Variants in SLC1A4 observed in about 807,000 individuals in gnomAD.
SLC1A4 encodes the protein neutral amino acid transporter A.
SLC1A4 carries 19 observed loss-of-function variants against 37.7 expected under a neutral mutation model. That is an observed-to-expected ratio of 0.50 (90% CI 0.35 to 0.74). The LOEUF is 0.74. Among genes scored for constraint, SLC1A4 ranks in the 30% least tolerant of loss-of-function variants. The pLI is 0.01. For missense variants in SLC1A4, 570 were observed against 712.9 expected (o/e 0.80, Z 2.28); for synonymous variants, 299 against 309.8 (o/e 0.97, Z 0.37).
At chr2:64,998,751 A>G (rs1673360745) in intron 1 of SLC1A4, among the ~76,000 whole-genome samples, 1 of 152,240 alleles carries the variant, frequency 6.6e-6, no homozygotes, top group Admixed American at 6.5e-5. Context: ...TTAAACAAAT[A>G]GTGTTGTGCT....
At position 65,001,189 on chromosome 2, in the gene SLC1A4, T is replaced by C. The variant is rs139497354; in HGVS notation, c.528-259T>C. The stretch of plus-strand genomic sequence containing the variant: ...TAGGGGTGGAGAGAGAACACTGTGT[T>C]AGGGTTTTAGAAGTGGACATCTCAA... On this transcript the variant is annotated intron_variant, in intron 1 of 7. Coordinates refer to ENST00000234256, the MANE Select transcript of SLC1A4 (RefSeq NM_003038.5). 102 of 425,210 alleles carry C rather than the reference T, an allele frequency of 2.4e-4. No individual in the cohort carries two copies. The East Asian group carries it at 4.2e-3, about 18-fold the overall frequency. The allele number at this position is 425,210 out of a possible 1,614,324, so 26.3% of individuals were successfully genotyped here. A position where few individuals can be genotyped will look rare whatever the true frequency, so the allele number is the denominator to read the frequency against.
upstream of SLC1A4, chr2:64,988,521 G>C (rs1672892624): frequency 6.6e-6 from 1 of 152,406 alleles, no homozygotes; most frequent in Non-Finnish European, 1.5e-5. Flanking sequence ...GCCCCATCCT[G>C]ATGGCCCCAG....
At chr2:64,994,762 C>G (rs1430520517) in intron 1 of SLC1A4, 1 of 151,176 alleles carries the variant, frequency 6.6e-6, no homozygotes, top group Non-Finnish European at 1.5e-5. Flanking sequence ...GCCTTGGCAG[C>G]ACATATACTA....
chr2:65,001,388 A>C, intron 1 of SLC1A4, 60 bp from the exon 2 acceptor site: 25 of 1,462,534 alleles, frequency 1.7e-5, no homozygotes, highest in Non-Finnish European at 2.1e-5. Context: ...GGCAACAGGG[A>C]CCTCATCTCT....
Position 65,023,134 on chromosome 2 carries a change from G to C in SLC1A4, c.*1988G>C, listed in dbSNP as rs1230707729. The C allele has an allele frequency of 6.6e-6, 1 of 152,204 alleles. No homozygotes were observed. The highest frequency in any genetic ancestry group is 1.5e-5 in the Non-Finnish European group (1 of 68,030). The allele number at this position is 152,204 out of a possible 1,614,324, so 9.4% of individuals were successfully genotyped here. A position where few individuals can be genotyped will look rare whatever the true frequency, so the allele number is the denominator to read the frequency against. On this transcript the variant is annotated 3_prime_UTR_variant, in exon 8 of 8. Coordinates refer to ENST00000234256, the MANE Select transcript of SLC1A4 (RefSeq NM_003038.5). The stretch of plus-strand genomic sequence containing the variant: ...GACCAGGAACCGTGCAAAGGAAACT[G>C]GAAACTTTTCCCCGCTGGGTAGAGC...
rs540795704 is a variant in SLC1A4 at position 65,015,033 on chromosome 2, T to C, written c.801-1407T>C. 4.6e-5 allele frequency among the ~76,000 whole-genome samples: 7 copies of C among 152,304 alleles called. No homozygotes were observed. In the South Asian group the frequency reaches 1.2e-3, roughly 27 times the overall value. On this transcript the variant is annotated intron_variant, in intron 4 of 7. Transcript: ENST00000234256. ...AGTACAATTCTAGCTCATGCTCCAA[T>C]GTGGATGAAGCCCGAAGACATCATA...
At chr2:65,000,564 A>G (rs1673418986) in intron 1 of SLC1A4, 1 of 152,228 alleles carries the variant, frequency 6.6e-6, no homozygotes, top group Admixed American at 6.5e-5. Context: ...AGGGACTCAG[A>G]TTCTACAATT....
intron 1 of SLC1A4, among the ~76,000 whole-genome samples, chr2:64,997,953 G>A (rs1377232812): frequency 3.7e-5 from 4 of 108,112 alleles, no homozygotes; most frequent in African/African-American, 1.8e-4. Flanking sequence ...AATACAAATT[G>A]GCAGGCGCAG....
Position 64,989,582 on chromosome 2 carries a change from C to A in SLC1A4, c.-62C>A. The A allele has an allele frequency of 1.5e-6, 2 of 1,369,924 alleles. No individual in the cohort carries two copies. Among genetic ancestry groups the A allele is most frequent in the Non-Finnish European group, 1.9e-6 (2 of 1,055,272 alleles). The allele number at this position is 1,369,924 out of a possible 1,614,324, so 84.9% of individuals were successfully genotyped here. A position where few individuals can be genotyped will look rare whatever the true frequency, so the allele number is the denominator to read the frequency against. ...GGCCGACCGACCCATTCATTGGGAACCCCGTCTTTTGCCAGAGCCCACGTC... is the reference window on the plus strand; with the variant it reads ...GGCCGACCGACCCATTCATTGGGAAACCCGTCTTTTGCCAGAGCCCACGTC... On this transcript the variant is annotated 5_prime_UTR_variant, in exon 1 of 8. Transcript: ENST00000234256.
At chr2:65,020,777 T>A in intron 7 of SLC1A4, 135 bp from the exon 8 acceptor site, 2 of 682,458 alleles carry the variant, frequency 2.9e-6, no homozygotes, top group Non-Finnish European at 5.2e-6. Context: ...GTAAAGCCAA[T>A]GCCTTAGAAG....
chr2:65,010,844 C>G, intron 4 of SLC1A4, 81 bp downstream of exon 4: 1 of 1,394,644 alleles, frequency 7.2e-7, no homozygotes, highest in South Asian at 1.3e-5. Flanking sequence ...TTCTAGGTAC[C>G]TGTGTGGGGC....
Position 64,989,421 on chromosome 2 carries a change from A to G in SLC1A4, c.-223A>G. ...ATCATCTCCAGCCGGCGGCTGCTCC[A>G]GGGAGGCTGGGCGCGATCCTCTCCG... is the stretch of plus-strand genomic sequence containing the variant. On this transcript the variant is annotated 5_prime_UTR_variant, in exon 1 of 8. Transcript: ENST00000234256. 1 of 393,172 alleles carries G rather than the reference A, an allele frequency of 2.5e-6. No homozygotes were observed. The highest frequency in any genetic ancestry group is 4.5e-6 in the Non-Finnish European group (1 of 224,582). The allele number at this position is 393,172 out of a possible 1,614,324, so 24.4% of individuals were successfully genotyped here.
At chr2:65,001,128 A>G (rs1048930012) in intron 1 of SLC1A4, 46 of 255,328 alleles carry the variant, frequency 1.8e-4, no homozygotes, top group East Asian at 2.8e-4. Context: ...AGGCACAGTT[A>G]GGGTGCTTAA....
At chr2:64,989,348 C>T, upstream of SLC1A4, 1 of 281,154 alleles carries the variant, frequency 3.6e-6, no homozygotes. Flanking sequence ...GCCGCTGGCG[C>T]GCCCTCCTAC....
chr2:65,010,918 T>C (rs570009008), intron 4 of SLC1A4, among the ~76,000 whole-genome samples, 155 bp downstream of exon 4: 13 of 152,328 alleles, frequency 8.5e-5, no homozygotes, highest in Admixed American at 3.9e-4. Flanking sequence ...CAGGGGATGA[T>C]GGAAGTGGAG....
chr2:64,997,213 A>G (rs1673290896), intron 1 of SLC1A4, among the ~76,000 whole-genome samples: 1 of 152,166 alleles, frequency 6.6e-6, no homozygotes, highest in Non-Finnish European at 1.5e-5. Context: ...TATCTGAGAA[A>G]TGAGCTGTAT....
At chr2:64,992,747 G>A (rs181746460) in intron 1 of SLC1A4, among the ~76,000 whole-genome samples, 2 of 152,240 alleles carry the variant, frequency 1.3e-5, no homozygotes, top group East Asian at 3.9e-4. Context: ...CTAGTCTAGT[G>A]TGGCTATCTC....
chr2:64,991,388 G>A (rs2103627803), intron 1 of SLC1A4, among the ~76,000 whole-genome samples: 1 of 149,700 alleles, frequency 6.7e-6, no homozygotes, highest in East Asian at 2.0e-4. Flanking sequence ...GGCAGATAGT[G>A]GTGGCCTATT....
chr2:65,007,695 G>A (rs1324742303), intron 3 of SLC1A4, among the ~76,000 whole-genome samples: 1 of 152,130 alleles, frequency 6.6e-6, no homozygotes, highest in Non-Finnish European at 1.5e-5. Flanking sequence ...TTTTCTTACT[G>A]ATTTAAGAAA....
Sources: gnomAD v4.1 joint callset for allele counts (sites outside exome capture counted in the v4.1 genomes callset) on GRCh38, gnomAD v4.1.1 for gene constraint, MANE v1.5 for transcripts, NCBI Gene and HGNC (gene_info 2026-07-23, HGNC 2026-07-21) for gene names.